The following CHCHD6 variants were observed in gnomAD, a reference collection of about 807,000 sequenced individuals.
CHCHD6 encodes the protein coiled-coil-helix-coiled-coil-helix domain containing 6.
Under a neutral mutation model 32.3 loss-of-function variants are expected in CHCHD6, and 28 were observed. The ratio of observed to expected loss-of-function variants is 0.87; its 90% CI spans 0.64 to 1.19. CHCHD6 has a LOEUF of 1.19. CHCHD6 is among the 50% of genes most tolerant of loss of function. CHCHD6 has a pLI of 0.00. For missense variants in CHCHD6, 333 were observed against 307.0 expected, an observed-to-expected ratio of 1.08 and a Z score of -0.63; for synonymous variants, 122 against 117.5, an observed-to-expected ratio of 1.04 and a Z score of -0.25.
intron 5 of CHCHD6, chr3:126,865,647 G>A (rs562150213): frequency 4.1e-5 from 40 of 984,742 alleles, no homozygotes; most frequent in East Asian, 2.3e-4. Flanking sequence ...CTCTCCCACC[G>A]CTACTACTAT....
intron 5 of CHCHD6, among the ~76,000 whole-genome samples, chr3:126,907,900 A>G (rs1282914697): frequency 1.3e-5 from 2 of 152,210 alleles, no homozygotes; most frequent in Non-Finnish European, 2.9e-5. Flanking sequence ...TGGGTAGAAT[A>G]GAAGGCTTGC....
At chr3:126,849,135 A>G (rs999558496) in intron 4 of CHCHD6, among the ~76,000 whole-genome samples, 6 of 152,222 alleles carry the variant, frequency 3.9e-5, no homozygotes, top group Non-Finnish European at 1.5e-5. Flanking sequence ...CCTGGCCCTC[A>G]GTGGAGGTCT....
At chr3:126,778,926 ATT>A (rs71150453) in intron 4 of CHCHD6, among the ~76,000 whole-genome samples, 35 of 133,112 alleles carry the variant, frequency 2.6e-4, no homozygotes, top group Admixed American at 3.8e-4. Flanking sequence ...GGCTCATTAA[ATT>A]TTTTTTTTTT....
intron 6 of CHCHD6, among the ~76,000 whole-genome samples, chr3:126,955,671 C>T (rs530772273): frequency 5.9e-5 from 9 of 152,300 alleles, no homozygotes; most frequent in Admixed American, 2.0e-4. Context: ...TTTGTTCATG[C>T]CCTGGGGATG....
At chr3:126,908,394 G>A (rs1286596268) in intron 5 of CHCHD6, among the ~76,000 whole-genome samples, 1 of 152,206 alleles carries the variant, frequency 6.6e-6, no homozygotes, top group African/African-American at 2.4e-5. Flanking sequence ...AGCAGGGCCT[G>A]GCACAGAGTG....
intron 6 of CHCHD6, among the ~76,000 whole-genome samples, chr3:126,934,937 A>T (rs1158780488): frequency 6.6e-6 from 1 of 152,188 alleles, no homozygotes; most frequent in African/African-American, 2.4e-5. Flanking sequence ...CTAAATATGG[A>T]TTAAACATGG....
At chr3:126,803,660 A>G (rs1939199227) in intron 4 of CHCHD6, among the ~76,000 whole-genome samples, 1 of 152,234 alleles carries the variant, frequency 6.6e-6, no homozygotes, top group African/African-American at 2.4e-5. Flanking sequence ...GATCAACGAG[A>G]CAGAAAGTTA....
chr3:126,813,624 C>G (rs1368995800), intron 4 of CHCHD6, among the ~76,000 whole-genome samples: 1 of 152,194 alleles, frequency 6.6e-6, no homozygotes. Context: ...CAACAATGAG[C>G]AGAGGCTTTG....
intron 4 of CHCHD6, among the ~76,000 whole-genome samples, chr3:126,790,695 T>A (rs1938486379): frequency 6.6e-6 from 1 of 152,246 alleles, no homozygotes; most frequent in Non-Finnish European, 1.5e-5. Context: ...AGGCCTTCTC[T>A]ACATTGGTTA....
rs1937446799 is a variant in CHCHD6 at position 126,768,065 on chromosome 3, A to G, written c.411+34843A>G. ...TAGTGCTGCAGTGAACATATGTGAT[A>G]TGGTTTGGGTCTGTGTCCCCGCCCA... On this transcript the variant is annotated intron_variant, in intron 4 of 7. Coordinates refer to ENST00000290913, the MANE Select transcript of CHCHD6 (RefSeq NM_032343.3). 2.0e-5 allele frequency among the ~76,000 whole-genome samples: 3 copies of G among 152,236 alleles called. No homozygotes were observed. In the South Asian group the frequency reaches 6.2e-4, roughly 32 times the overall value.
At chr3:126,712,243 T>C (rs1934782361) in intron 1 of CHCHD6, among the ~76,000 whole-genome samples, 1 of 152,216 alleles carries the variant, frequency 6.6e-6, no homozygotes, top group African/African-American at 2.4e-5. Context: ...GCAGAAGGAA[T>C]CACTCTCAAG....
At chr3:126,788,473 T>C (rs772292524) in intron 4 of CHCHD6, among the ~76,000 whole-genome samples, 39 of 152,230 alleles carry the variant, frequency 2.6e-4, no homozygotes, top group Non-Finnish European at 4.8e-4. Flanking sequence ...TTTTGGTTGG[T>C]AAGCTATTAA....
At chr3:126,802,868 A>G (rs9881617) in intron 4 of CHCHD6, among the ~76,000 whole-genome samples, 67,943 of 149,872 alleles carry the variant, frequency 0.45, 16,471 homozygotes, top group African/African-American at 0.68. Context: ...CTGATCTCTC[A>G]GCAGAAACTC....
At chr3:126,763,123 T>G (rs1937223974) in intron 4 of CHCHD6, among the ~76,000 whole-genome samples, 1 of 152,210 alleles carries the variant, frequency 6.6e-6, no homozygotes, top group Non-Finnish European at 1.5e-5. Context: ...TGTATGTAGT[T>G]GATTTTTCTA....
chr3:126,915,059 G>T (rs1242789409), intron 6 of CHCHD6, among the ~76,000 whole-genome samples: 1 of 152,248 alleles, frequency 6.6e-6, no homozygotes, highest in Non-Finnish European at 1.5e-5. Context: ...TAGCTGAGGA[G>T]CTGGCCGTCA....
intron 4 of CHCHD6, among the ~76,000 whole-genome samples, chr3:126,775,186 C>T (rs1405121310): frequency 1.3e-5 from 2 of 152,166 alleles, no homozygotes; most frequent in South Asian, 2.1e-4. Context: ...TCAGATTTTC[C>T]TCCATAAGAC....
intron 5 of CHCHD6, among the ~76,000 whole-genome samples, chr3:126,899,539 C>T (rs1228471400): frequency 6.6e-6 from 1 of 152,172 alleles, no homozygotes; most frequent in Non-Finnish European, 1.5e-5. Flanking sequence ...AATGTGTTCT[C>T]CAAGTCACTG....
At chr3:126,943,145 C>T (rs946066636) in intron 6 of CHCHD6, among the ~76,000 whole-genome samples, 2 of 152,220 alleles carry the variant, frequency 1.3e-5, no homozygotes, top group Non-Finnish European at 2.9e-5. Flanking sequence ...ACGTCCCCTC[C>T]TGGACCCCAC....
At chr3:126,768,424 T>G (rs773267883) in intron 4 of CHCHD6, among the ~76,000 whole-genome samples, 3 of 152,162 alleles carry the variant, frequency 2.0e-5, no homozygotes, top group Non-Finnish European at 4.4e-5. Context: ...CTTGTGTACC[T>G]TTTCATCCTG....
Sources: allele counts gnomAD v4.1 joint callset (sites outside exome capture counted in the v4.1 genomes callset), GRCh38; gene constraint gnomAD v4.1.1; transcripts MANE v1.5; gene names NCBI Gene and HGNC (gene_info 2026-07-23, HGNC 2026-07-21).